Variants in SYN2 observed in about 807,000 individuals in gnomAD.
SYN2 encodes synapsin-2.
Under a neutral mutation model 50.9 loss-of-function variants are expected in SYN2, and 19 were observed. The observed-to-expected ratio is 0.37, with a 90% CI of 0.26 to 0.55. SYN2 has a LOEUF of 0.55. Among genes scored for constraint, SYN2 ranks in the 20% least tolerant of loss-of-function variants. The pLI is 0.81. For synonymous variants in SYN2, 255 were observed against 224.9 expected (o/e 1.13, Z -1.20); for missense variants, 587 against 576.4 (o/e 1.02, Z -0.19).
chr3:12,160,092 G>T (rs1253721279), intron 5 of SYN2, among the ~76,000 whole-genome samples: 6 of 151,528 alleles, frequency 4.0e-5, no homozygotes, highest in Non-Finnish European at 8.8e-5. Flanking sequence ...AAGAAGCAGG[G>T]GACTTGGGGG....
intron 10 of SYN2, among the ~76,000 whole-genome samples, chr3:12,171,804 A>G (rs961447539): frequency 1.3e-5 from 2 of 152,248 alleles, no homozygotes; most frequent in African/African-American, 4.8e-5. Context: ...TTATACAAAA[A>G]TGGTATCTAA....
chr3:12,143,496 T>A (rs567451517), intron 3 of SYN2, among the ~76,000 whole-genome samples: 1 of 152,354 alleles, frequency 6.6e-6, no homozygotes, highest in South Asian at 2.1e-4. Flanking sequence ...TATGTCTATG[T>A]GTACCCATTA....
intron 1 of SYN2, among the ~76,000 whole-genome samples, chr3:12,014,139 G>T (rs1340284999): frequency 6.6e-6 from 1 of 152,120 alleles, no homozygotes; most frequent in Non-Finnish European, 1.5e-5. Context: ...TTATGTGTCT[G>T]CTTCCCCACT....
At position 12,190,742 on chromosome 3, in the gene SYN2, C is replaced by G; in HGVS notation, c.*117C>G. 1 of 1,482,272 alleles carries G rather than the reference C, an allele frequency of 6.7e-7. No homozygotes were observed. The allele number at this position is 1,482,272 out of a possible 1,614,324, so 91.8% of individuals were successfully genotyped here. On this transcript the variant is annotated 3_prime_UTR_variant, in exon 13 of 13. Coordinates refer to ENST00000621198, the MANE Select transcript of SYN2 (RefSeq NM_133625.6). ...TGACCTTGACGTGTGTGGTCCCTTC[C>G]TCTGCTCTGTTGTACTAAGTGATGT...
rs200317379 is a variant in SYN2 at position 12,161,511 on chromosome 3, C to G, written c.775-35C>G. 42 of 1,612,760 alleles carry G rather than the reference C, an allele frequency of 2.6e-5. No homozygotes were observed. The East Asian group carries it at 9.1e-4, about 35-fold the overall frequency. On this transcript the variant is annotated intron_variant, in intron 5 of 12. Coordinates refer to ENST00000621198, the MANE Select transcript of SYN2 (RefSeq NM_133625.6). ...AGGATTCCACGGAGAGATGGGCACA[C>G]TCTGACAGTTTATTCATTTCTCTTC...
chr3:12,154,476 C>G, intron 5 of SYN2: 1 of 1,612,934 alleles, frequency 6.2e-7, no homozygotes, highest in Non-Finnish European at 8.5e-7. Flanking sequence ...GGAGGAGAGT[C>G]AAGCATCAGG....
At chr3:12,157,568 A>C (rs913494485) in intron 5 of SYN2, 1 of 1,328,178 alleles carries the variant, frequency 7.5e-7, no homozygotes, top group Non-Finnish European at 1.1e-6. Flanking sequence ...TCCATGAAGA[A>C]GTCTATAGGG....
intron 1 of SYN2, among the ~76,000 whole-genome samples, chr3:12,058,357 A>G (rs1695041054): frequency 6.6e-6 from 1 of 152,240 alleles, no homozygotes; most frequent in Non-Finnish European, 1.5e-5. Context: ...GTGTATATAT[A>G]GGACTACTAA....
At chr3:12,068,714 CCTTGA>C (rs1695276611) in intron 1 of SYN2, among the ~76,000 whole-genome samples, 1 of 151,556 alleles carries the variant, frequency 6.6e-6, no homozygotes, top group African/African-American at 2.4e-5. Context: ...AGGAAGATTT[CCTTGA>C]CTTTTCTTCC....
In SYN2 at chr3:12,065,593, A is replaced by G. The variant is rs987014251; in HGVS notation, c.377+60665A>G. 2.0e-4 allele frequency among the ~76,000 whole-genome samples: 30 copies of G among 152,194 alleles called. 1 individual carries two copies. Among genetic ancestry groups the G allele is most frequent in the Admixed American group, 2.0e-3 (30 of 15,276 alleles). On this transcript the variant is annotated intron_variant, in intron 1 of 12. Transcript: ENST00000621198. ...GGCCATTATCCTAAATGAATTAATA[A>G]CAGGAACAGAAAACCAAATACTGCA...
chr3:12,123,811 C>A (rs889584928), intron 1 of SYN2, among the ~76,000 whole-genome samples: 1 of 151,980 alleles, frequency 6.6e-6, no homozygotes, highest in Non-Finnish European at 1.5e-5. Context: ...GAGTTCAAGA[C>A]CAGCCTGGGC....
At chr3:12,182,981 A>G (rs1698257210) in intron 10 of SYN2, among the ~76,000 whole-genome samples, 1 of 152,256 alleles carries the variant, frequency 6.6e-6, no homozygotes, top group Admixed American at 6.5e-5. Flanking sequence ...TCAGAAAACC[A>G]GAAAAGAAAC....
At chr3:12,120,730 G>A (rs548880233) in intron 1 of SYN2, among the ~76,000 whole-genome samples, 1 of 152,242 alleles carries the variant, frequency 6.6e-6, no homozygotes, top group South Asian at 2.1e-4. Flanking sequence ...TCTATCCTAG[G>A]AGTCATCAAT....
intron 1 of SYN2, among the ~76,000 whole-genome samples, chr3:12,123,225 A>G (rs1696599815): frequency 1.3e-5 from 2 of 152,360 alleles, no homozygotes; most frequent in Admixed American, 6.5e-5. Context: ...TTGATAAAAG[A>G]CATCAATTGG....
At chr3:12,035,045 A>G (rs1417924935) in intron 1 of SYN2, among the ~76,000 whole-genome samples, 2 of 152,234 alleles carry the variant, frequency 1.3e-5, no homozygotes, top group Non-Finnish European at 1.5e-5. Context: ...TTTCCAAAAT[A>G]TAATGGTGGG....
intron 1 of SYN2, among the ~76,000 whole-genome samples, chr3:12,067,616 GAA>G (rs34794670): frequency 9.0e-4 from 118 of 130,670 alleles, no homozygotes; most frequent in Non-Finnish European, 1.3e-3. Context: ...ATCTTAACCA[GAA>G]AAAAAAAAAA....
At chr3:12,050,884 C>T (rs1015073545) in intron 1 of SYN2, among the ~76,000 whole-genome samples, 10 of 150,792 alleles carry the variant, frequency 6.6e-5, no homozygotes, top group Admixed American at 4.6e-4. Context: ...TACAGGCGCC[C>T]GCCACCGCGC....
intron 1 of SYN2, among the ~76,000 whole-genome samples, chr3:12,027,342 T>A (rs373963563): frequency 3.3e-5 from 5 of 152,328 alleles, no homozygotes; most frequent in East Asian, 3.9e-4. Context: ...CGGAGCCTGA[T>A]ATAATGAGCC....
In SYN2 at chr3:12,128,246, A is replaced by T. The variant is rs555719298; in HGVS notation, c.378-12405A>T. Among the ~76,000 whole-genome samples, 16 of 152,244 alleles carry T rather than the reference A, an allele frequency of 1.1e-4. No homozygotes were observed. The South Asian group carries it at 3.1e-3, about 30-fold the overall frequency. On this transcript the variant is annotated intron_variant, in intron 1 of 12. Transcript: ENST00000621198. The stretch of plus-strand genomic sequence containing the variant: ...AGGTGTGAGCTACCACGCCCAGCCA[A>T]TTATTTACATTCTTTATGATACTTG...
Sources: gnomAD v4.1 joint callset for allele counts (sites outside exome capture counted in the v4.1 genomes callset) on GRCh38, gnomAD v4.1.1 for gene constraint, MANE v1.5 for transcripts, NCBI Gene and HGNC (gene_info 2026-07-23, HGNC 2026-07-21) for gene names.